Variants in RBFOX1 observed in about 807,000 individuals in gnomAD.
RBFOX1 encodes RNA binding fox-1 homolog 1.
RBFOX1 carries 8 observed loss-of-function variants against 57.7 expected under a neutral mutation model. The observed-to-expected ratio is 0.14, with a 90% CI of 0.08 to 0.25. RBFOX1 has a LOEUF of 0.25. RBFOX1 is among the 10% of genes least tolerant of loss of function. The pLI is 1.00. For synonymous variants in RBFOX1, 326 were observed against 222.4 expected (o/e 1.47, Z -4.15); for missense variants, 611 against 548.5 (o/e 1.11, Z -1.14).
At chr16:5,766,766 C>G (rs1356942540) in intron 3 of RBFOX1, among the ~76,000 whole-genome samples, 3 of 152,152 alleles carry the variant, frequency 2.0e-5, no homozygotes, top group African/African-American at 7.2e-5. Flanking sequence ...AACATCCAAA[C>G]TGTATCAGAA....
intron 2 of RBFOX1, among the ~76,000 whole-genome samples, chr16:6,521,246 T>C (rs1387345799): frequency 6.6e-6 from 1 of 152,154 alleles, no homozygotes; most frequent in Non-Finnish European, 1.5e-5. Flanking sequence ...TGTGCTACTG[T>C]TGCTCATTGG....
At chr16:5,592,986 G>C (rs2151187466) in intron 2 of RBFOX1, among the ~76,000 whole-genome samples, 1 of 152,280 alleles carries the variant, frequency 6.6e-6, no homozygotes, top group Middle Eastern at 3.4e-3. Context: ...TGTGTTCCCA[G>C]ATGGTTAAGG....
chr16:5,610,341 CAG>C (rs1318775051), intron 3 of RBFOX1: 2 of 152,178 alleles, frequency 1.3e-5, no homozygotes, highest in African/African-American at 4.8e-5. Flanking sequence ...ATGTGATTGT[CAG>C]AGTGTCTCAC....
At chr16:7,516,411 A>G (rs1339765554) in intron 4 of RBFOX1, among the ~76,000 whole-genome samples, 1 of 152,106 alleles carries the variant, frequency 6.6e-6, no homozygotes, top group Non-Finnish European at 1.5e-5. Flanking sequence ...GTTCAACTGT[A>G]TCTGCACCAT....
chr16:5,856,575 G>GTGTATATATATATATATATGTATATATA (rs1192496608), intron 3 of RBFOX1, among the ~76,000 whole-genome samples: 1 of 32,920 alleles, frequency 3.0e-5, no homozygotes, highest in African/African-American at 1.3e-4. Flanking sequence ...GTGTGTGTGT[G>GTGTATATATATATATATATGTATATATA]TATATATATA....
chr16:6,856,622 C>T (rs980725374), intron 3 of RBFOX1, among the ~76,000 whole-genome samples: 1 of 152,140 alleles, frequency 6.6e-6, no homozygotes, highest in African/African-American at 2.4e-5. Flanking sequence ...GATGAGAAGA[C>T]AGTGATAAAC....
intron 2 of RBFOX1, among the ~76,000 whole-genome samples, chr16:6,362,594 A>G (rs951216586): frequency 6.6e-6 from 1 of 152,168 alleles, no homozygotes; most frequent in African/African-American, 2.4e-5. Flanking sequence ...TGCAAATTAG[A>G]TTAGGTTAAG....
rs186025699 is a variant in RBFOX1, at chr16:6,898,336, G to A, written c.-15-153721G>A. Among the ~76,000 whole-genome samples the A allele has an allele frequency of 3.9e-5, 6 of 152,250 alleles. 1 individual carries two copies. Among genetic ancestry groups the A allele is most frequent in the African/African-American group, 1.4e-4 (6 of 41,546 alleles). Reference sequence around the variant, plus strand: ...AGCATAGCTTCCCCTTGGATGGAGGGGGGTGAGGAGAGCAGTCAGAGGTGA... The same window carrying A: ...AGCATAGCTTCCCCTTGGATGGAGGAGGGTGAGGAGAGCAGTCAGAGGTGA... On this transcript the variant is annotated intron_variant, in intron 3 of 15. Transcript: ENST00000550418.
intron 4 of RBFOX1, among the ~76,000 whole-genome samples, chr16:7,475,850 AG>A (rs2062568082): frequency 6.6e-6 from 1 of 152,220 alleles, no homozygotes; most frequent in Non-Finnish European, 1.5e-5. Context: ...TAAAGTTGTG[AG>A]GTAGCATTTA....
At chr16:7,378,885 C>G (rs1296549551) in intron 4 of RBFOX1, among the ~76,000 whole-genome samples, 1 of 152,120 alleles carries the variant, frequency 6.6e-6, no homozygotes, top group East Asian at 1.9e-4. Context: ...GTGGCAATAA[C>G]GAAGGACTTC....
chr16:6,180,763 A>G (rs1349549843), intron 1 of RBFOX1, among the ~76,000 whole-genome samples: 1 of 151,892 alleles, frequency 6.6e-6, no homozygotes, highest in Non-Finnish European at 1.5e-5. Context: ...ATGGGGTTTC[A>G]CCGGGTTGGC....
chr16:6,373,555 G>A (rs1326196712), intron 2 of RBFOX1, among the ~76,000 whole-genome samples: 1 of 151,874 alleles, frequency 6.6e-6, no homozygotes, highest in Admixed American at 6.6e-5. Flanking sequence ...CAGGGTACGA[G>A]GATTGTTGTG....
At chr16:5,979,816 C>G (rs367544249) in intron 4 of RBFOX1, among the ~76,000 whole-genome samples, 2 of 151,910 alleles carry the variant, frequency 1.3e-5, no homozygotes, top group East Asian at 3.9e-4. Flanking sequence ...GCGCCGAGAT[C>G]GTACCACTGC....
chr16:5,618,062 T>A (rs79449811), intron 3 of RBFOX1, among the ~76,000 whole-genome samples: 2,385 of 152,288 alleles, frequency 0.016, 62 homozygotes, highest in African/African-American at 0.055. Context: ...CATTATGAAT[T>A]TTTACATCTG....
rs141320226 is a variant in RBFOX1, at chr16:5,543,414, C to T, written c.259-55488C>T. Among the ~76,000 whole-genome samples the T allele has an allele frequency of 2.4e-3, 358 of 152,164 alleles. 3 individuals are homozygous for T. The highest frequency in any genetic ancestry group is 8.1e-3 in the African/African-American group (337 of 41,502). ...TAAATTCATGGGGTGAAATCAACGG[C>T]GGATTAGACATTGCCCATACACAAA... is the stretch of plus-strand genomic sequence containing the variant. On this transcript the variant is annotated intron_variant, in intron 2 of 2. Coordinates refer to the RBFOX1 transcript ENST00000585867.
chr16:5,247,535 A>T (rs2062332847), intron 1 of RBFOX1, among the ~76,000 whole-genome samples: 1 of 152,134 alleles, frequency 6.6e-6, no homozygotes, highest in African/African-American at 2.4e-5. Context: ...GTCCTTGGAG[A>T]TCACGCTGTA....
At chr16:7,342,173 G>A (rs552637588) in intron 4 of RBFOX1, among the ~76,000 whole-genome samples, 4 of 152,226 alleles carry the variant, frequency 2.6e-5, no homozygotes, top group South Asian at 4.1e-4. Flanking sequence ...TGTTACTCTT[G>A]GTAAGTTGCT....
intron 3 of RBFOX1, among the ~76,000 whole-genome samples, chr16:6,793,270 T>C (rs2154250211): frequency 6.6e-6 from 1 of 152,316 alleles, no homozygotes; most frequent in South Asian, 2.1e-4. Context: ...AGAAATGTGG[T>C]CCCCCTGTTA....
chr16:6,464,458 C>A (rs2094993780), intron 2 of RBFOX1, among the ~76,000 whole-genome samples: 1 of 152,166 alleles, frequency 6.6e-6, no homozygotes, highest in South Asian at 2.1e-4. Context: ...ACAGCAACAA[C>A]AAGCGTTGTT....
Sources: allele counts gnomAD v4.1 joint callset (sites outside exome capture counted in the v4.1 genomes callset), GRCh38; gene constraint gnomAD v4.1.1; transcripts MANE v1.5; gene names NCBI Gene and HGNC (gene_info 2026-07-23, HGNC 2026-07-21).